The following LRRC4C variants were observed in gnomAD, a reference collection of about 807,000 sequenced individuals.
LRRC4C encodes leucine rich repeat containing 4C, also known as leucine-rich repeat-containing protein 4C.
Under a neutral mutation model 33.6 loss-of-function variants are expected in LRRC4C, and 5 were observed. The observed-to-expected ratio is 0.15, with a 90% CI of 0.08 to 0.31. The LOEUF is 0.31. Ranked by LOEUF, LRRC4C falls within the 10% of genes least tolerant of loss-of-function variation. LRRC4C has a pLI of 1.00. For missense variants in LRRC4C, 560 were observed against 796.7 expected (o/e 0.70, Z 3.58); for synonymous variants, 329 against 302.0 (o/e 1.09, Z -0.93).
At chr11:40,121,520 T>C (rs1208208778) in intron 6 of LRRC4C, among the ~76,000 whole-genome samples, 6 of 152,232 alleles carry the variant, frequency 3.9e-5, no homozygotes, top group Non-Finnish European at 7.3e-5. Flanking sequence ...TGAAAATTAA[T>C]TTAAAAGTAT....
chr11:40,313,111 T>C (rs921489178), intron 4 of LRRC4C, among the ~76,000 whole-genome samples: 1 of 152,152 alleles, frequency 6.6e-6, no homozygotes, highest in Admixed American at 6.5e-5. Context: ...AATCTCTACC[T>C]CTGGACATTA....
At chr11:40,700,643 G>A (rs538105211) in intron 2 of LRRC4C, among the ~76,000 whole-genome samples, 6 of 152,228 alleles carry the variant, frequency 3.9e-5, no homozygotes, top group African/African-American at 1.4e-4. Flanking sequence ...CTAAATGATT[G>A]TCTTGAAAAT....
chr11:40,852,066 A>G (rs1400809215), intron 2 of LRRC4C, among the ~76,000 whole-genome samples: 2 of 151,780 alleles, frequency 1.3e-5, no homozygotes, highest in African/African-American at 4.8e-5. Flanking sequence ...TGACCTCATG[A>G]TCCACCTGCC....
intron 2 of LRRC4C, among the ~76,000 whole-genome samples, chr11:40,785,828 G>T (rs964550128): frequency 2.0e-5 from 3 of 151,946 alleles, no homozygotes; most frequent in Non-Finnish European, 4.4e-5. Context: ...CAATTCTAAT[G>T]AAAATGTATC....
At chr11:40,370,901 C>T (rs1590486240) in intron 3 of LRRC4C, among the ~76,000 whole-genome samples, 1 of 152,074 alleles carries the variant, frequency 6.6e-6, no homozygotes, top group Non-Finnish European at 1.5e-5. Context: ...TTTTTATAGG[C>T]CCACCTCTTT....
At chr11:40,922,271 T>C (rs936112264) in intron 2 of LRRC4C, among the ~76,000 whole-genome samples, 2 of 152,156 alleles carry the variant, frequency 1.3e-5, no homozygotes, top group South Asian at 2.1e-4. Flanking sequence ...TGAAAATGTA[T>C]TATACTGTTT....
intron 5 of LRRC4C, among the ~76,000 whole-genome samples, chr11:40,190,809 A>T (rs1861777603): frequency 6.6e-6 from 1 of 152,204 alleles, no homozygotes; most frequent in African/African-American, 2.4e-5. Context: ...CAGAATAAGA[A>T]AAAAAGTGAT....
At chr11:41,384,761 G>A (rs1463502617) in intron 1 of LRRC4C, among the ~76,000 whole-genome samples, 3 of 150,180 alleles carry the variant, frequency 2.0e-5, no homozygotes, top group South Asian at 2.1e-4. Flanking sequence ...TTATCCATTG[G>A]CATTGTTATT....
intron 2 of LRRC4C, among the ~76,000 whole-genome samples, chr11:40,806,494 C>T (rs1157864130): frequency 6.6e-6 from 1 of 152,212 alleles, no homozygotes; most frequent in Non-Finnish European, 1.5e-5. Context: ...AGGACTTAAC[C>T]TCTGAAGCCA....
chr11:41,135,269 C>T (rs1439146410), intron 1 of LRRC4C, among the ~76,000 whole-genome samples: 1 of 152,018 alleles, frequency 6.6e-6, no homozygotes, highest in African/African-American at 2.4e-5. Flanking sequence ...GTCTTTCAGG[C>T]TTCAGCAATC....
chr11:40,581,313 T>C (rs1173149564), intron 3 of LRRC4C, among the ~76,000 whole-genome samples: 1 of 152,214 alleles, frequency 6.6e-6, no homozygotes, highest in Non-Finnish European at 1.5e-5. Context: ...AAAACACCTT[T>C]AGGGCATTGG....
chr11:40,302,639 C>T (rs1459917611), intron 4 of LRRC4C, among the ~76,000 whole-genome samples: 1 of 152,106 alleles, frequency 6.6e-6, no homozygotes, highest in Admixed American at 6.6e-5. Context: ...GGTGCTAACA[C>T]TTTAGTACTA....
chr11:40,751,275 A>G (rs920160897), intron 2 of LRRC4C, among the ~76,000 whole-genome samples: 1 of 152,260 alleles, frequency 6.6e-6, no homozygotes, highest in Non-Finnish European at 1.5e-5. Flanking sequence ...CAGATAAATC[A>G]GGCTAGAGAA....
intron 1 of LRRC4C, among the ~76,000 whole-genome samples, chr11:41,351,693 C>A (rs1160891806): frequency 1.3e-5 from 2 of 152,102 alleles, no homozygotes; most frequent in African/African-American, 4.8e-5. Context: ...CTATATTCAG[C>A]AACATGCATT....
At chr11:40,334,823 C>T (rs547182585) in intron 3 of LRRC4C, among the ~76,000 whole-genome samples, 16 of 152,178 alleles carry the variant, frequency 1.1e-4, no homozygotes, top group Admixed American at 7.2e-4. Context: ...CTCACTCCTG[C>T]GCTACCTAAA....
chr11:41,442,103 T>C (rs1955638882), intron 1 of LRRC4C, among the ~76,000 whole-genome samples: 1 of 152,224 alleles, frequency 6.6e-6, no homozygotes, highest in East Asian at 1.9e-4. Context: ...AATTAATTTA[T>C]TCATATGTTT....
At chr11:40,822,284 C>A (rs1380073418) in intron 2 of LRRC4C, among the ~76,000 whole-genome samples, 1 of 150,630 alleles carries the variant, frequency 6.6e-6, no homozygotes, top group Non-Finnish European at 1.5e-5. Flanking sequence ...TTTCACTTAA[C>A]ATAATGACCT....
At chr11:40,139,711 A>G (rs567717738) in intron 6 of LRRC4C, among the ~76,000 whole-genome samples, 1 of 152,322 alleles carries the variant, frequency 6.6e-6, no homozygotes, top group East Asian at 1.9e-4. Flanking sequence ...AAACAAGCAC[A>G]TTATTGCCCC....
chr11:41,186,001 G>T (rs1487088), intron 1 of LRRC4C, among the ~76,000 whole-genome samples: 142,258 of 152,126 alleles, frequency 0.94, 66,847 homozygotes, highest in East Asian at 1. Context: ...AAACAGATAA[G>T]CCGTACAGAG....
Sources: allele counts gnomAD v4.1 joint callset (sites outside exome capture counted in the v4.1 genomes callset), GRCh38; gene constraint gnomAD v4.1.1; transcripts MANE v1.5; gene names NCBI Gene and HGNC (gene_info 2026-07-23, HGNC 2026-07-21).